PTPRM: variants seen among roughly 807,000 people sequenced by gnomAD.
PTPRM encodes protein tyrosine phosphatase receptor type M, also known as receptor-type tyrosine-protein phosphatase mu.
PTPRM carries 47 observed loss-of-function variants against 186.7 expected under a neutral mutation model. That is an observed-to-expected ratio of 0.25 (90% confidence interval 0.20 to 0.32). The LOEUF (loss-of-function observed/expected upper bound fraction) is 0.32, where lower values mean the gene tolerates loss of function less well. Among genes scored for constraint, PTPRM ranks in the 10% least tolerant of loss-of-function variants. PTPRM has a pLI of 1.00. For synonymous variants in PTPRM, 668 were observed against 674.9 expected (o/e 0.99, Z 0.16); for missense variants, 1,494 against 1,865.0 (o/e 0.80, Z 3.66).
rs180799169 is a variant in PTPRM at position 7,795,315 on chromosome 18, G to A, written c.196+21044G>A. Among the ~76,000 whole-genome samples the A allele has an allele frequency of 7.9e-5, 12 of 152,246 alleles. 1 individual carries two copies. The highest frequency in any genetic ancestry group is 5.2e-4 in the Admixed American group (8 of 15,294). On this transcript the variant is annotated intron_variant, in intron 2 of 32. Coordinates refer to ENST00000580170, the MANE Select transcript of PTPRM (RefSeq NM_001105244.2). ...CAGCCTTTCAGCTGTTTTTAGGAGC[G>A]TCTCAGAGTGGGATCTGTTTTTTAA...
intron 24 of PTPRM, 66 bp downstream of exon 24, chr18:8,371,072 AC>A (rs936182194): frequency 2.1e-6 from 2 of 936,846 alleles, no homozygotes; most frequent in African/African-American, 3.4e-5. Context: ...AGCCTCATTA[AC>A]TTACCTAGGA....
At chr18:8,191,413 G>A (rs148919405) in intron 14 of PTPRM, among the ~76,000 whole-genome samples, 4 of 152,292 alleles carry the variant, frequency 2.6e-5, no homozygotes, top group East Asian at 1.9e-4. Context: ...ACGGTGACAC[G>A]CAGGAGAAGC....
intron 5 of PTPRM, among the ~76,000 whole-genome samples, chr18:7,946,107 G>T (rs1020984578): frequency 6.6e-6 from 1 of 152,130 alleles, no homozygotes; most frequent in Non-Finnish European, 1.5e-5. Flanking sequence ...GCCCATCTGT[G>T]GCATGAAGAC....
chr18:7,581,888 C>T (rs891353005), intron 1 of PTPRM, among the ~76,000 whole-genome samples: 3 of 152,002 alleles, frequency 2.0e-5, no homozygotes, highest in Non-Finnish European at 4.4e-5. Flanking sequence ...TCAAGCTCCT[C>T]GCCTCAAGCC....
chr18:7,637,878 A>G (rs1357651458), intron 1 of PTPRM, among the ~76,000 whole-genome samples: 1 of 152,236 alleles, frequency 6.6e-6, no homozygotes, highest in East Asian at 1.9e-4. Flanking sequence ...CCACACATGA[A>G]TCACATCACT....
intron 3 of PTPRM, among the ~76,000 whole-genome samples, chr18:7,905,611 G>C (rs1300294104): frequency 3.3e-5 from 5 of 152,126 alleles, no homozygotes; most frequent in African/African-American, 1.2e-4. Flanking sequence ...TGTGGCGGTA[G>C]GTCCCAATTC....
At chr18:8,066,040 CTG>C (rs1229465313) in intron 7 of PTPRM, among the ~76,000 whole-genome samples, 2 of 152,100 alleles carry the variant, frequency 1.3e-5, no homozygotes. Context: ...GGAAATCGCT[CTG>C]TAGAAACATT....
At chr18:8,133,795 C>G (rs1456794206) in intron 13 of PTPRM, among the ~76,000 whole-genome samples, 4 of 151,972 alleles carry the variant, frequency 2.6e-5, no homozygotes, top group South Asian at 2.1e-4. Context: ...CATTTAGAAG[C>G]TCTTGGATTT....
intron 14 of PTPRM, among the ~76,000 whole-genome samples, chr18:8,204,388 C>T (rs1308545427): frequency 6.6e-6 from 1 of 151,842 alleles, no homozygotes; most frequent in East Asian, 1.9e-4. Flanking sequence ...TTTTAAATCC[C>T]TCTAGTCATT....
intron 22 of PTPRM, among the ~76,000 whole-genome samples, chr18:8,340,528 A>C (rs1342649255): frequency 1.3e-5 from 2 of 152,182 alleles, no homozygotes; most frequent in African/African-American, 4.8e-5. Flanking sequence ...AAACATGTAA[A>C]AACCCAGGCC....
intron 7 of PTPRM, among the ~76,000 whole-genome samples, chr18:8,053,037 T>C (rs143494176): frequency 6.6e-6 from 1 of 152,292 alleles, no homozygotes; most frequent in Non-Finnish European, 1.5e-5. Context: ...TTTCTTGTGA[T>C]TGGTGGAAGT....
intron 3 of PTPRM, among the ~76,000 whole-genome samples, chr18:7,902,344 AAATATGGGGCG>A (rs1202510306): frequency 6.6e-6 from 1 of 152,090 alleles, no homozygotes; most frequent in Non-Finnish European, 1.5e-5. Flanking sequence ...TCTTGCTGGG[AAATATGGGGCG>A]AATTGGCTTG....
intron 22 of PTPRM, among the ~76,000 whole-genome samples, chr18:8,337,211 T>C (rs1040606350): frequency 7.2e-5 from 11 of 152,156 alleles, no homozygotes; most frequent in African/African-American, 2.7e-4. Context: ...GGAGGTTTTT[T>C]TCAATTTTTT....
intron 7 of PTPRM, among the ~76,000 whole-genome samples, chr18:7,969,458 A>G: frequency 6.9e-6 from 1 of 145,060 alleles, no homozygotes; most frequent in Non-Finnish European, 1.5e-5. Context: ...AACTAAAATC[A>G]GAGCAGAACT....
chr18:8,363,346 G>A (rs953018650), intron 23 of PTPRM, among the ~76,000 whole-genome samples: 4 of 152,134 alleles, frequency 2.6e-5, no homozygotes, highest in Non-Finnish European at 4.4e-5. Flanking sequence ...GAAACTGAGG[G>A]CCAGAACGGT....
intron 1 of PTPRM, among the ~76,000 whole-genome samples, chr18:7,709,548 C>T (rs2040168118): frequency 6.6e-6 from 1 of 151,856 alleles, no homozygotes; most frequent in African/African-American, 2.4e-5. Flanking sequence ...AGGAAAGAAA[C>T]AGCAAAGACC....
chr18:7,602,950 C>T (rs552670097), intron 1 of PTPRM, among the ~76,000 whole-genome samples: 21 of 129,846 alleles, frequency 1.6e-4, no homozygotes, highest in African/African-American at 6.4e-4. Flanking sequence ...TTATTTGAGG[C>T]GGAGTCTCAC....
chr18:7,987,523 T>C (rs139461782), intron 7 of PTPRM, among the ~76,000 whole-genome samples: 1 of 152,294 alleles, frequency 6.6e-6, no homozygotes, highest in East Asian at 1.9e-4. Flanking sequence ...AGGTCCATGA[T>C]CTGCGGTGAG....
chr18:7,929,393 C>T, intron 5 of PTPRM, among the ~76,000 whole-genome samples: 1 of 152,084 alleles, frequency 6.6e-6, no homozygotes, highest in East Asian at 1.9e-4. Context: ...TCTTTTCTGA[C>T]CCCTCTTGTC....
Sources: allele counts gnomAD v4.1 joint callset (sites outside exome capture counted in the v4.1 genomes callset), GRCh38; gene constraint gnomAD v4.1.1; transcripts MANE v1.5; gene names NCBI Gene and HGNC (gene_info 2026-07-23, HGNC 2026-07-21).